The following APBB2 variants were observed in gnomAD, a reference collection of about 807,000 sequenced individuals.
The protein encoded by APBB2 is amyloid beta precursor protein binding family B member 2.
In APBB2, 38 loss-of-function variants were observed where a neutral mutation model predicts 82.5. That is an observed-to-expected ratio of 0.46 (90% CI 0.36 to 0.60). The LOEUF is 0.60. APBB2 is among the 20% of genes least tolerant of loss of function. APBB2 has a pLI of 0.00. For synonymous variants in APBB2, 341 were observed against 368.2 expected, an observed-to-expected ratio of 0.93 and a Z score of 0.85; for missense variants, 772 against 972.3, an observed-to-expected ratio of 0.79 and a Z score of 2.74.
chr4:41,096,722 C>T (rs755804039), intron 3 of APBB2, among the ~76,000 whole-genome samples: 30 of 152,160 alleles, frequency 2.0e-4, no homozygotes, highest in Non-Finnish European at 3.2e-4. Context: ...ATATTCCTAA[C>T]TTATTTTGAA....
chr4:40,890,491 C>T lies in APBB2; in HGVS notation c.1402G>A (p.Gly468Arg). Residue 468 changes from glycine (G) to arginine (R), a missense_variant and splice_region_variant, in exon 12 of 18, where the codon GGG (glycine) becomes AGG (arginine). By Grantham distance (125) the Gly-to-Arg change is moderately radical. Coordinates refer to ENST00000508593, the MANE Select transcript of APBB2 (RefSeq NM_004307.2). ...IRDTVGIWGE[G>R]KDMYLILEND... The stretch of plus-strand genomic sequence containing the variant: ...TCCAGGATCAGGTACATGTCTTTCC[C>T]CTGGGACACAACGAGAAAACACGCT... 2 of 1,613,892 alleles carry T rather than the reference C, an allele frequency of 1.2e-6. No individual in the cohort carries two copies. The highest frequency in any genetic ancestry group is 1.7e-6 in the Non-Finnish European group (2 of 1,179,960).
chr4:41,213,886 C>T (rs1469634886), intron 1 of APBB2, among the ~76,000 whole-genome samples: 1 of 152,244 alleles, frequency 6.6e-6, no homozygotes, highest in African/African-American at 2.4e-5. Flanking sequence ...TCCAACTCCC[C>T]GGCAGGAGCG....
chr4:40,846,069 T>A (rs1439990598), intron 12 of APBB2, among the ~76,000 whole-genome samples: 1 of 151,500 alleles, frequency 6.6e-6, no homozygotes, highest in Non-Finnish European at 1.5e-5. Flanking sequence ...TGTCTGCCCT[T>A]GGTCAGGGCC....
At chr4:41,045,681 T>C (rs1162025233) in intron 4 of APBB2, among the ~76,000 whole-genome samples, 1 of 152,234 alleles carries the variant, frequency 6.6e-6, no homozygotes, top group Non-Finnish European at 1.5e-5. Context: ...AAAGTTTGTA[T>C]GGGATCTAAC....
chr4:40,957,951 T>C (rs920881289), intron 6 of APBB2, among the ~76,000 whole-genome samples: 2 of 152,176 alleles, frequency 1.3e-5, no homozygotes, highest in Non-Finnish European at 2.9e-5. Flanking sequence ...GATAAAAGTA[T>C]ACATCTCCGT....
At chr4:41,212,475 T>G (rs1379538793) in intron 1 of APBB2, among the ~76,000 whole-genome samples, 1 of 152,166 alleles carries the variant, frequency 6.6e-6, no homozygotes, top group East Asian at 1.9e-4. Context: ...GCTTTTCAAT[T>G]ACCACTTTAT....
chr4:41,080,133 A>C (rs1429407624), intron 3 of APBB2, among the ~76,000 whole-genome samples: 1 of 152,250 alleles, frequency 6.6e-6, no homozygotes, highest in Non-Finnish European at 1.5e-5. Context: ...CACGACTATG[A>C]AAATGCAAAC....
intron 2 of APBB2, among the ~76,000 whole-genome samples, chr4:41,111,955 A>C (rs539954956): frequency 6.6e-6 from 1 of 152,224 alleles, no homozygotes; most frequent in Non-Finnish European, 1.5e-5. Flanking sequence ...CAGATAGAAA[A>C]AAACCAGCAG....
intron 12 of APBB2, chr4:40,880,418 G>A (rs1378980874): frequency 1.0e-6 from 1 of 985,318 alleles, no homozygotes; most frequent in Non-Finnish European, 1.2e-6. Flanking sequence ...TGTATGAAAA[G>A]TGGTGACTGC....
intron 1 of APBB2, among the ~76,000 whole-genome samples, chr4:41,157,738 C>A (rs1019172522): frequency 6.6e-6 from 1 of 152,198 alleles, no homozygotes; most frequent in African/African-American, 2.4e-5. Flanking sequence ...CACCTGTAAT[C>A]CCAGCACTTT....
At chr4:41,086,526 A>G (rs1739732977) in intron 3 of APBB2, among the ~76,000 whole-genome samples, 1 of 152,236 alleles carries the variant, frequency 6.6e-6, no homozygotes, top group South Asian at 2.1e-4. Flanking sequence ...AAATTGATCA[A>G]TGAAATGCAC....
intron 12 of APBB2, among the ~76,000 whole-genome samples, chr4:40,835,009 T>A (rs1214465690): frequency 6.6e-6 from 1 of 152,180 alleles, no homozygotes; most frequent in African/African-American, 2.4e-5. Context: ...CCGGGCGCGG[T>A]GGCTCATGCC....
At chr4:40,858,361 A>C (rs1024504245) in intron 12 of APBB2, among the ~76,000 whole-genome samples, 3 of 149,050 alleles carry the variant, frequency 2.0e-5, no homozygotes, top group African/African-American at 7.4e-5. Flanking sequence ...AGGCTGAGGC[A>C]GGAGAATTGC....
chr4:40,961,686 A>AAAAAAAAAAAAAAAAAAAC (rs1793337839), intron 6 of APBB2, among the ~76,000 whole-genome samples: 1 of 144,214 alleles, frequency 6.9e-6, no homozygotes, highest in African/African-American at 2.5e-5. Context: ...AAAAAAAAAA[A>AAAAAAAAAAAAAAAAAAAC]AAAAAAAAAA....
chr4:40,980,046 G>A lies in APBB2; in HGVS notation c.835+33537C>T, dbSNP rs967127861. On this transcript the variant is annotated intron_variant, in intron 6 of 17. Coordinates refer to ENST00000508593, the MANE Select transcript of APBB2 (RefSeq NM_004307.2). ...TGGAATTTTCTTTTCTTTTGGAGAC[G>A]GAGTCTCACTCTGTCACCCAGGCTG... Among the ~76,000 whole-genome samples, 8 of 152,122 alleles carry A rather than the reference G, an allele frequency of 5.3e-5. No individual in the cohort carries two copies. The East Asian group carries it at 5.8e-4, about 11-fold the overall frequency.
At chr4:40,943,772 G>A (rs529158976) in intron 7 of APBB2, among the ~76,000 whole-genome samples, 1 of 152,334 alleles carries the variant, frequency 6.6e-6, no homozygotes, top group African/African-American at 2.4e-5. Flanking sequence ...TGATGACCAC[G>A]GCATGGCACA....
intron 1 of APBB2, among the ~76,000 whole-genome samples, chr4:41,166,371 T>G (rs1328715230): frequency 6.7e-6 from 1 of 150,370 alleles, no homozygotes; most frequent in Non-Finnish European, 1.5e-5. Flanking sequence ...GGCAAAAAAA[T>G]GGATCTGGAT....
chr4:40,928,877 C>T (rs1783380648), intron 10 of APBB2, among the ~76,000 whole-genome samples: 1 of 150,824 alleles, frequency 6.6e-6, no homozygotes, highest in African/African-American at 2.4e-5. Context: ...AGAGTGAGCT[C>T]CCGTCTCAAA....
At chr4:40,883,761 G>A (rs1012750432) in intron 12 of APBB2, among the ~76,000 whole-genome samples, 5 of 150,686 alleles carry the variant, frequency 3.3e-5, no homozygotes, top group Non-Finnish European at 7.4e-5. Context: ...TCTATATACA[G>A]CAGCTACAAA....
Sources: gnomAD v4.1 joint callset for allele counts (sites outside exome capture counted in the v4.1 genomes callset) on GRCh38, gnomAD v4.1.1 for gene constraint, MANE v1.5 for transcripts, NCBI Gene and HGNC (gene_info 2026-07-23, HGNC 2026-07-21) for gene names.